The following EIF5B variants were observed in gnomAD, a reference collection of about 807,000 sequenced individuals.
The protein encoded by EIF5B is eIF-5B.
In EIF5B, 47 loss-of-function variants were observed where a neutral mutation model predicts 147.5. That is an observed-to-expected ratio of 0.32 (90% CI 0.25 to 0.41). The LOEUF (loss-of-function observed/expected upper bound fraction) is 0.41. Among genes scored for constraint, EIF5B ranks in the 10% least tolerant of loss-of-function variants. EIF5B has a pLI of 1.00. For missense variants in EIF5B, 1,064 were observed against 1,413.2 expected, an observed-to-expected ratio of 0.75 and a Z score of 3.96; for synonymous variants, 455 against 456.2, an observed-to-expected ratio of 1.00 and a Z score of 0.03.
In EIF5B at chr2:99,396,906, C is replaced by T. The variant is rs935882779; in HGVS notation, c.3393+8C>T. On this transcript the variant is annotated splice_region_variant and intron_variant, in intron 22 of 23. Coordinates refer to ENST00000289371, the MANE Select transcript of EIF5B (RefSeq NM_015904.4). ...TGTGTCCCAAGCAAAAATGTAAGTT[C>T]TAGTTGTACATTCTGTGGGTCATTT... 2.5e-6 allele frequency: 4 copies of T among 1,592,536 alleles called. No individual in the cohort carries two copies. The highest frequency in any genetic ancestry group is 3.4e-6 in the Non-Finnish European group (4 of 1,173,794).
At position 99,361,331 on chromosome 2, in the gene EIF5B, A is replaced by G. The variant is rs1426089983; in HGVS notation, c.430A>G (p.Asn144Asp). 6 of 1,610,086 alleles carry G rather than the reference A, an allele frequency of 3.7e-6. No homozygotes were observed. In the Admixed American group the frequency reaches 1.0e-4, roughly 27 times the overall value. Reference sequence around the variant, plus strand: ...TGGGAGTGATGATGATGATGATTTTAACAAACTTCCTAAAAAAGCTAAAGG... The same window carrying G: ...TGGGAGTGATGATGATGATGATTTTGACAAACTTCCTAAAAAAGCTAAAGG... ...YSGSDDDDDF[N>D]KLPKKAKGKA... Residue 144 changes from asparagine to aspartate, a missense_variant, in exon 4 of 24, where the codon AAC (asparagine) becomes GAC (aspartate). Asn to Asp is a conservative substitution (Grantham distance 23). Transcript: ENST00000289371.
chr2:99,351,408 C>A (rs560746688), intron 1 of EIF5B, among the ~76,000 whole-genome samples: 122 of 152,274 alleles, frequency 8.0e-4, no homozygotes, highest in Non-Finnish European at 1.4e-3. Context: ...AGTAAAGCTG[C>A]AATGAACATT....
chr2:99,341,463 A>C (rs568460182), intron 1 of EIF5B, among the ~76,000 whole-genome samples: 2 of 152,220 alleles, frequency 1.3e-5, no homozygotes, highest in Admixed American at 1.3e-4. Flanking sequence ...TCATTCAGCT[A>C]CTTTTAATGT....
rs1290574592 is a variant in EIF5B at position 99,360,349 on chromosome 2, AG to A, written c.150del (p.Lys50AsnfsTer10). On this transcript the variant is annotated frameshift_variant, in exon 2 of 24. Coordinates refer to ENST00000289371, the MANE Select transcript of EIF5B (RefSeq NM_015904.4). LOFTEE classifies it high-confidence loss of function. ...SKGKKKKEKKKQDFDEDDILK... is the reference protein window; with the variant it reads ...SKGKKKKEKKXQDFDEDDILK... ...GGGAAAAAGAAAAAAGAGAAAAAAA[AG>A]CAGGACTTTGAGTAAGTATATTTTA... 1 of 1,603,756 alleles carries A rather than the reference AG, an allele frequency of 6.2e-7. No homozygotes were observed. The highest frequency in any genetic ancestry group is 2.2e-5 in the East Asian group (1 of 44,510).
At chr2:99,370,397 A>G (rs1267356732) in intron 8 of EIF5B, among the ~76,000 whole-genome samples, 2 of 152,246 alleles carry the variant, frequency 1.3e-5, no homozygotes, top group Admixed American at 6.5e-5. Flanking sequence ...CCTTTACAGA[A>G]TACTAAGCCT....
chr2:99,349,683 CATA>C (rs1399240867), intron 1 of EIF5B, among the ~76,000 whole-genome samples: 1 of 152,140 alleles, frequency 6.6e-6, no homozygotes, highest in Non-Finnish European at 1.5e-5. Flanking sequence ...GTTCTTGACA[CATA>C]ATAATTGTAC....
In EIF5B at chr2:99,401,185, A is replaced by G; in HGVS notation, c.*1771A>G. The G allele has an allele frequency of 9.5e-7, 1 of 1,057,922 alleles. No individual in the cohort carries two copies. 65.5% of individuals were successfully genotyped at this position (1,057,922 alleles called of 1,614,324 possible). ...CATTACTATCATGCACTTTGCAAATACCTCACAAGCACTTATGGCACAGCT... is the reference window on the plus strand; with the variant it reads ...CATTACTATCATGCACTTTGCAAATGCCTCACAAGCACTTATGGCACAGCT... On this transcript the variant is annotated 3_prime_UTR_variant, in exon 24 of 24. Coordinates refer to ENST00000289371, the MANE Select transcript of EIF5B (RefSeq NM_015904.4).
In EIF5B at chr2:99,390,255, C is replaced by T. The variant is rs1490385355; in HGVS notation, c.2440C>T (p.Pro814Ser). Residue 814 changes from proline to serine, a missense_variant, in exon 16 of 24, where the codon CCC becomes TCC. Physicochemically the swap from Pro to Ser is moderately conservative, Grantham distance 74 (BLOSUM62 -1). This residue lies in a region of EIF5B where 380 missense variants were observed against 715.6 expected (regional missense o/e 0.53). Transcript: ENST00000289371. Reference sequence around the variant, plus strand: ...TGCTTTGTTTTATGAGAATAAAGATCCCCGCACTTTTGTGTCTTTGGTACC... The same window carrying T: ...TGCTTTGTTTTATGAGAATAAAGATTCCCGCACTTTTGTGTCTTTGGTACC... ...NAALFYENKD[P>S]RTFVSLVPTS... is the part of the protein sequence containing the mutation. 1 of 1,613,872 alleles carries T rather than the reference C, an allele frequency of 6.2e-7. No individual in the cohort carries two copies. Among genetic ancestry groups the T allele is most frequent in the African/African-American group, 1.3e-5 (1 of 74,844 alleles).
intron 3 of EIF5B, among the ~76,000 whole-genome samples, 185 bp from the exon 4 acceptor site, chr2:99,360,963 G>A (rs956092970): frequency 2.0e-5 from 3 of 152,188 alleles, no homozygotes; most frequent in African/African-American, 4.8e-5. Flanking sequence ...ACAATGATGC[G>A]AGATGTGTCT....
intron 23 of EIF5B, 87 bp from the exon 24 acceptor site, chr2:99,399,220 A>G: frequency 8.0e-7 from 1 of 1,255,750 alleles, no homozygotes; most frequent in East Asian, 2.4e-5. Context: ...GCTTTTTAGT[A>G]CAGTGAGAGC....
intron 17 of EIF5B, 112 bp downstream of exon 17, chr2:99,390,817 A>G (rs2104247162): frequency 3.5e-6 from 4 of 1,145,264 alleles, no homozygotes; most frequent in Non-Finnish European, 4.9e-6. Context: ...GAACACATAC[A>G]TCCCTCGCTC....
intron 12 of EIF5B, 131 bp downstream of exon 12, chr2:99,379,559 A>G: frequency 1.6e-6 from 1 of 624,444 alleles, no homozygotes. Context: ...AACATGTACT[A>G]TTTTGCCTAT....
Position 99,399,610 on chromosome 2 carries a change from G to A in EIF5B, c.*196G>A. 2 of 530,408 alleles carry A rather than the reference G, an allele frequency of 3.8e-6. No homozygotes were observed. 32.9% of individuals were successfully genotyped at this position (530,408 alleles called of 1,614,324 possible). A position where few individuals can be genotyped will look rare whatever the true frequency, so the allele number is the denominator to read the frequency against. The stretch of plus-strand genomic sequence containing the variant: ...CTGGTTTGACAGTGGTCAGTTACAT[G>A]TCCCCACAGTTCCAATGTGCCTGTT... On this transcript the variant is annotated 3_prime_UTR_variant, in exon 24 of 24. Transcript: ENST00000289371.
chr2:99,340,773 TTC>T (rs2094257599), intron 1 of EIF5B: 1 of 151,826 alleles, frequency 6.6e-6, no homozygotes, highest in Non-Finnish European at 1.5e-5. Context: ...GTGAAAAATC[TTC>T]TTTTTTTTTT....
chr2:99,387,038 T>C (rs1371451345), intron 14 of EIF5B, among the ~76,000 whole-genome samples: 1 of 152,128 alleles, frequency 6.6e-6, no homozygotes, highest in African/African-American at 2.4e-5. Context: ...GCCTCCCAAG[T>C]AGCTGGAATT....
chr2:99,385,218 T>C (rs756660513), intron 14 of EIF5B, among the ~76,000 whole-genome samples: 2 of 152,148 alleles, frequency 1.3e-5, no homozygotes, highest in Non-Finnish European at 2.9e-5. Flanking sequence ...AGCTAATTTT[T>C]TATTTTTGGT....
intron 4 of EIF5B, among the ~76,000 whole-genome samples, chr2:99,363,169 T>A (rs945086355): frequency 1.3e-5 from 2 of 152,194 alleles, no homozygotes; most frequent in African/African-American, 4.8e-5. Context: ...TAACTACCTA[T>A]ATTTTTGTAT....
rs572045232 is a variant in EIF5B at position 99,396,605 on chromosome 2, G to A, written c.3255-155G>A. ...GGAAGAAGCGCTCTGGGCATGGGGT[G>A]GCCCTGGGCTGCAGCACCCTGCCTG... On this transcript the variant is annotated intron_variant, in intron 21 of 23. Coordinates refer to ENST00000289371, the MANE Select transcript of EIF5B (RefSeq NM_015904.4). 5.9e-5 allele frequency among the ~76,000 whole-genome samples: 9 copies of A among 152,360 alleles called. No homozygotes were observed. The East Asian group carries it at 1.7e-3, about 29-fold the overall frequency.
Position 99,393,055 on chromosome 2 carries a change from C to T in EIF5B, c.2837C>T (p.Pro946Leu). ...CTGGAGAAAACATTGGCTGGTTTAC[C>T]CCTCCTTGTGGCTTATAAAGAAGAT... ...KDLEKTLAGL[P>L]LLVAYKEDEI... Residue 946 changes from proline (P) to leucine (L), a missense_variant, in exon 18 of 24, where the codon CCC becomes CTC. Around this residue, in one of 4 missense-constraint regions of EIF5B, gnomAD observed 380 missense variants for 715.6 expected, o/e 0.53. Transcript: ENST00000289371. The T allele has an allele frequency of 6.3e-7, 1 of 1,583,290 alleles. No individual in the cohort carries two copies. The highest frequency in any genetic ancestry group is 8.6e-7 in the Non-Finnish European group (1 of 1,165,162).
Sources: allele counts gnomAD v4.1 joint callset (sites outside exome capture counted in the v4.1 genomes callset), GRCh38; gene constraint gnomAD v4.1.1; regional missense constraint gnomAD v4.1.1; transcripts MANE v1.5; gene names NCBI Gene and HGNC (gene_info 2026-07-23, HGNC 2026-07-21).